The following LUZP2 variants were observed in gnomAD, a reference collection of about 807,000 sequenced individuals.
LUZP2 encodes the protein leucine zipper protein 2.
Under a neutral mutation model 51.6 loss-of-function variants are expected in LUZP2, and 52 were observed. That is an observed-to-expected ratio of 1.01 (90% CI 0.81 to 1.27). The LOEUF (loss-of-function observed/expected upper bound fraction) is 1.27, where lower values mean the gene tolerates loss of function less well. Ranked by LOEUF, LUZP2 falls within the 50% of genes most tolerant of loss-of-function variation. LUZP2 has a pLI of 0.00. For missense variants in LUZP2, 436 were observed against 395.4 expected (o/e 1.10, Z -0.87); for synonymous variants, 154 against 137.3 (o/e 1.12, Z -0.85).
intron 1 of LUZP2, among the ~76,000 whole-genome samples, chr11:24,541,148 G>A (rs897499796): frequency 5.9e-5 from 9 of 151,464 alleles, no homozygotes; most frequent in Non-Finnish European, 1.3e-4. Context: ...AGCTACTTGG[G>A]AGGCTGAGGC....
At chr11:24,608,176 G>T (rs1438043193) in intron 1 of LUZP2, among the ~76,000 whole-genome samples, 1 of 151,996 alleles carries the variant, frequency 6.6e-6, no homozygotes, top group Non-Finnish European at 1.5e-5. Flanking sequence ...AGGTATTAAG[G>T]GTACAGCCAG....
chr11:25,009,038 C>T (rs1856912932), intron 9 of LUZP2, among the ~76,000 whole-genome samples: 1 of 152,148 alleles, frequency 6.6e-6, no homozygotes. Context: ...TTATCTGCCT[C>T]TTAGCACTGT....
At chr11:24,915,990 T>G (rs1853777507) in intron 7 of LUZP2, among the ~76,000 whole-genome samples, 1 of 152,068 alleles carries the variant, frequency 6.6e-6, no homozygotes, top group African/African-American at 2.4e-5. Flanking sequence ...TATTTTATTT[T>G]ATTTTTTATT....
intron 1 of LUZP2, among the ~76,000 whole-genome samples, chr11:24,718,340 A>C (rs1466713553): frequency 6.6e-6 from 1 of 152,166 alleles, no homozygotes; most frequent in Admixed American, 6.5e-5. Flanking sequence ...CTAGACCAAA[A>C]AGCTCGACCA....
intron 4 of LUZP2, among the ~76,000 whole-genome samples, chr11:24,746,195 A>G (rs1289520006): frequency 6.6e-6 from 1 of 152,052 alleles, no homozygotes. Context: ...TGTTTCCAGG[A>G]TTTGTTTCAA....
At chr11:24,618,296 A>G (rs2136480) in intron 1 of LUZP2, among the ~76,000 whole-genome samples, 33,597 of 151,990 alleles carry the variant, frequency 0.22, 4,585 homozygotes, top group African/African-American at 0.38. Flanking sequence ...CTTCACTAAC[A>G]CCTTGAGGAG....
At chr11:24,973,370 T>TTTG (rs1855801723) in intron 7 of LUZP2, among the ~76,000 whole-genome samples, 1 of 148,432 alleles carries the variant, frequency 6.7e-6, no homozygotes, top group African/African-American at 2.4e-5. Context: ...ATTAGTTTTT[T>TTTG]TTTTTTTTTT....
intron 7 of LUZP2, among the ~76,000 whole-genome samples, chr11:24,964,650 C>G (rs1855529111): frequency 6.6e-6 from 1 of 151,972 alleles, no homozygotes; most frequent in Non-Finnish European, 1.5e-5. Flanking sequence ...GGCTATTCCT[C>G]CTAGCAATTA....
chr11:24,570,251 GT>G (rs34239667), intron 1 of LUZP2, among the ~76,000 whole-genome samples: 63,331 of 151,672 alleles, frequency 0.42, 13,729 homozygotes, highest in African/African-American at 0.51. Context: ...AAAGAGATGT[GT>G]TGATATTTCA....
intron 5 of LUZP2, among the ~76,000 whole-genome samples, chr11:24,778,887 G>A (rs988178199): frequency 1.3e-5 from 2 of 152,112 alleles, no homozygotes; most frequent in African/African-American, 4.8e-5. Flanking sequence ...AGAGACAATA[G>A]CACACCAACT....
At chr11:24,795,371 T>G (rs1457996801) in intron 5 of LUZP2, among the ~76,000 whole-genome samples, 1 of 152,100 alleles carries the variant, frequency 6.6e-6, no homozygotes, top group Non-Finnish European at 1.5e-5. Flanking sequence ...AATTATTCAC[T>G]GAGTATATCT....
At chr11:25,076,037 G>A (rs1041507961) in intron 10 of LUZP2, among the ~76,000 whole-genome samples, 5 of 151,572 alleles carry the variant, frequency 3.3e-5, no homozygotes, top group African/African-American at 1.2e-4. Context: ...TTTTGAGACA[G>A]GATCTCACTC....
chr11:24,956,388 C>T (rs1315191739), intron 7 of LUZP2, among the ~76,000 whole-genome samples: 2 of 151,984 alleles, frequency 1.3e-5, no homozygotes, highest in African/African-American at 2.4e-5. Context: ...TTTCTTATTT[C>T]TAGAATTTTA....
intron 5 of LUZP2, among the ~76,000 whole-genome samples, chr11:24,853,954 A>G: frequency 6.6e-6 from 1 of 152,182 alleles, no homozygotes; most frequent in East Asian, 1.9e-4. Flanking sequence ...TGGAGGCTGT[A>G]GAACAGCAAA....
intron 1 of LUZP2, among the ~76,000 whole-genome samples, chr11:24,559,587 T>G (rs1006917240): frequency 6.6e-6 from 1 of 152,200 alleles, no homozygotes; most frequent in African/African-American, 2.4e-5. Context: ...TGCAAGTGAT[T>G]AAATTTTTTA....
intron 10 of LUZP2, among the ~76,000 whole-genome samples, chr11:25,057,378 G>T (rs527962536): frequency 3.5e-4 from 54 of 152,176 alleles, no homozygotes; most frequent in African/African-American, 1.3e-3. Flanking sequence ...CCTTTTTAAA[G>T]AAGACTTAAG....
At chr11:24,808,426 G>C (rs1849917402) in intron 5 of LUZP2, among the ~76,000 whole-genome samples, 1 of 152,138 alleles carries the variant, frequency 6.6e-6, no homozygotes, top group African/African-American at 2.4e-5. Context: ...GGTGTTATCT[G>C]ATACAATGAG....
chr11:24,878,316 A>G (rs1335342953), intron 5 of LUZP2, among the ~76,000 whole-genome samples: 1 of 151,878 alleles, frequency 6.6e-6, no homozygotes, highest in Non-Finnish European at 1.5e-5. Context: ...CACTGGGTAT[A>G]TTTTCTAGGG....
intron 7 of LUZP2, among the ~76,000 whole-genome samples, chr11:24,972,327 A>G (rs1305733732): frequency 6.6e-6 from 1 of 151,992 alleles, no homozygotes; most frequent in Non-Finnish European, 1.5e-5. Flanking sequence ...ATAGTCATAT[A>G]TTACTATTGA....
Sources: allele counts gnomAD v4.1 joint callset (sites outside exome capture counted in the v4.1 genomes callset), GRCh38; gene constraint gnomAD v4.1.1; transcripts MANE v1.5; gene names NCBI Gene and HGNC (gene_info 2026-07-23, HGNC 2026-07-21).